The following PLAT variants were observed in gnomAD, a reference collection of about 807,000 sequenced individuals.
The protein encoded by PLAT is plasminogen activator, tissue type.
PLAT carries 48 observed loss-of-function variants against 74.9 expected under a neutral mutation model. The ratio of observed to expected loss-of-function variants is 0.64; its 90% CI spans 0.51 to 0.82. The LOEUF is 0.82. PLAT is among the 40% of genes least tolerant of loss of function. The pLI, the probability that PLAT is intolerant of heterozygous loss-of-function variation, is 0.00. For synonymous variants in PLAT, 307 were observed against 294.4 expected (o/e 1.04, Z -0.44); for missense variants, 673 against 736.2 (o/e 0.91, Z 0.99).
At position 42,179,954 on chromosome 8, in the gene PLAT, C is replaced by A; in HGVS notation, c.1335G>T (p.Glu445Asp). 1 of 1,607,138 alleles carries A rather than the reference C, an allele frequency of 6.2e-7. No homozygotes were observed. The highest frequency in any genetic ancestry group is 8.5e-7 in the Non-Finnish European group (1 of 1,176,304). The change falls in exon 12 of 14, where the codon GAG becomes GAT. Residue 445 changes from glutamate (E) to aspartate (D), a missense_variant. By Grantham distance (45) the Glu-to-Asp change is conservative. Transcript: ENST00000220809. ...CCTCATGCTTGCCGTAGCCGGAGAG[C>A]TCACACTCCGTCCAGTCCGGCAGCT... ...DLQLPDWTEC[E>D]LSGYGKHEAL... is the part of the protein sequence containing the mutation.
chr8:42,207,192 C>T lies in PLAT; in HGVS notation c.-27+302G>A, dbSNP rs72641455. Among the ~76,000 whole-genome samples, 447 of 152,262 alleles carry T rather than the reference C, an allele frequency of 2.9e-3. 1 individual carries two copies. Among genetic ancestry groups the T allele is most frequent in the Non-Finnish European group, 4.9e-3 (333 of 68,004 alleles). On this transcript the variant is annotated intron_variant, in intron 1 of 13. Transcript: ENST00000220809. ...CTCCCATAGGCTATTTGGGGCTTTT[C>T]TGTATCGTTCTTTTCACTTTCCCCT...
chr8:42,178,434 C>A (rs1314018506), intron 13 of PLAT, among the ~76,000 whole-genome samples: 1 of 152,108 alleles, frequency 6.6e-6, no homozygotes, highest in African/African-American at 2.4e-5. Flanking sequence ...CCATGCCAGG[C>A]TAATTTTGTA....
chr8:42,190,862 TC>T (rs1805654975), intron 3 of PLAT, among the ~76,000 whole-genome samples: 1 of 152,132 alleles, frequency 6.6e-6, no homozygotes, highest in African/African-American at 2.4e-5. Flanking sequence ...AGTTGGGACA[TC>T]CCGGTTGGAT....
chr8:42,182,005 G>A lies in PLAT; in HGVS notation c.821C>T (p.Ala274Val), dbSNP rs767004173. Residue 274 changes from alanine (A) to valine (V), a missense_variant, in exon 9 of 14, where the codon GCC becomes GTC. By Grantham distance (64) the Ala-to-Val change is moderately conservative. Transcript: ENST00000220809. ...CTTCAGCACGTGGCACCAGGGCTTGGCATCCCCATCAGGATTCCTAAATGA... is the reference window on the plus strand; with the variant it reads ...CTTCAGCACGTGGCACCAGGGCTTGACATCCCCATCAGGATTCCTAAATGA... ...HNYCRNPDGDAKPWCHVLKNR... is the reference protein window; with the variant it reads ...HNYCRNPDGDVKPWCHVLKNR... The A allele has an allele frequency of 1.2e-6, 2 of 1,606,276 alleles. No homozygotes were observed. The highest frequency in any genetic ancestry group is 2.2e-5 in the South Asian group (2 of 90,948).
intron 1 of PLAT, chr8:42,193,692 G>A (rs1174417364): frequency 1.3e-5 from 2 of 154,880 alleles, no homozygotes; most frequent in African/African-American, 4.8e-5. Context: ...TGTCTTCAAG[G>A]TGCATCCATG....
chr8:42,189,806 A>G (rs1805617313), intron 3 of PLAT, among the ~76,000 whole-genome samples: 1 of 151,372 alleles, frequency 6.6e-6, no homozygotes, highest in African/African-American at 2.4e-5. Context: ...ACCATATTGG[A>G]CAGGCTGGTC....
At position 42,190,190 on chromosome 8, in the gene PLAT, T is replaced by G. The variant is rs935510684; in HGVS notation, c.116-1119A>C. On this transcript the variant is annotated intron_variant, in intron 3 of 13. Coordinates refer to ENST00000220809, the MANE Select transcript of PLAT (RefSeq NM_000930.5). ...CTAAAGCCATCCTCCTGGATCCGCC[T>G]CCTAAAGTGCTGGAGTTACAGATGT... Among the ~76,000 whole-genome samples the G allele has an allele frequency of 3.9e-5, 6 of 152,184 alleles. No homozygotes were observed. The East Asian group carries it at 1.2e-3, about 29-fold the overall frequency.
Position 42,180,396 on chromosome 8 carries a change from T to C in PLAT, c.1086-18A>G. 6.2e-7 allele frequency: 1 copy of C among 1,614,072 alleles called. No homozygotes were observed. Among genetic ancestry groups the C allele is most frequent in the East Asian group, 2.2e-5 (1 of 44,882 alleles). ...GCGGAAACCTGGTGGAGAAACAGCC[T>C]TAGAATGCTTTTTTTGCTGTGGGAT... is the stretch of plus-strand genomic sequence containing the variant. On this transcript the variant is annotated intron_variant, in intron 10 of 13. Coordinates refer to ENST00000220809, the MANE Select transcript of PLAT (RefSeq NM_000930.5).
rs1289672816 is a variant in PLAT, at chr8:42,175,311, A to G, written c.*682T>C. 1 of 152,266 alleles carries G rather than the reference A, an allele frequency of 6.6e-6. No individual in the cohort carries two copies. The highest frequency in any genetic ancestry group is 1.5e-5 in the Non-Finnish European group (1 of 68,056). The allele number at this position is 152,266 out of a possible 1,614,324, so 9.4% of individuals were successfully genotyped here. On this transcript the variant is annotated 3_prime_UTR_variant, in exon 14 of 14. Transcript: ENST00000220809. ...AGGGTTGTGGCAACAGAAAGTAAAA[A>G]CTAACATGGATTGCTATAAATATGC...
Position 42,180,256 on chromosome 8 carries a change from T to A in PLAT, c.1208A>T (p.Tyr403Phe), listed in dbSNP as rs777263586. The change falls in exon 11 of 14, where the codon TAC becomes TTC. Residue 403 changes from tyrosine to phenylalanine, a missense_variant. Physicochemically the swap from Tyr to Phe is conservative, Grantham distance 22. Coordinates refer to ENST00000220809, the MANE Select transcript of PLAT (RefSeq NM_000930.5). ...CGAGCTCTTACCAATGTCATTGTCG[T>A]AAGTGTCATCATCGAATTCCTTATG... Reference protein sequence around the residue: ...IVHKEFDDDTYDNDIALLQLK... With the variant: ...IVHKEFDDDTFDNDIALLQLK... 2.1e-5 allele frequency: 34 copies of A among 1,614,114 alleles called. No homozygotes were observed. Among genetic ancestry groups the A allele is most frequent in the Non-Finnish European group, 2.6e-5 (31 of 1,180,036 alleles).
At chr8:42,203,969 T>TTATATATATATATATATA (rs373313453) in intron 1 of PLAT, among the ~76,000 whole-genome samples, 49 of 104,942 alleles carry the variant, frequency 4.7e-4, no homozygotes, top group African/African-American at 2.2e-3. Context: ...TGTCTCTAAA[T>TTATATATATATATATATA]TATATATATA....
intron 2 of PLAT, among the ~76,000 whole-genome samples, chr8:42,192,331 A>G (rs1805720761): frequency 6.6e-6 from 1 of 152,100 alleles, no homozygotes; most frequent in Non-Finnish European, 1.5e-5. Flanking sequence ...AATACAGTCC[A>G]CTTTGTATAT....
intron 1 of PLAT, among the ~76,000 whole-genome samples, chr8:42,199,942 A>G (rs186670627): frequency 4.6e-5 from 7 of 152,336 alleles, no homozygotes; most frequent in African/African-American, 1.7e-4. Context: ...GTAATTAAAT[A>G]CGCAATGATT....
intron 1 of PLAT, among the ~76,000 whole-genome samples, chr8:42,204,681 C>T (rs369125606): frequency 1.4e-5 from 2 of 147,476 alleles, no homozygotes; most frequent in South Asian, 2.1e-4. Flanking sequence ...TGCCACTGCA[C>T]CCCAGCCTGG....
intron 1 of PLAT, among the ~76,000 whole-genome samples, chr8:42,199,602 T>C (rs1181890733): frequency 6.6e-6 from 1 of 152,108 alleles, no homozygotes; most frequent in African/African-American, 2.4e-5. Context: ...TGTCATCTCC[T>C]CAATGCTCCA....
chr8:42,201,739 A>C (rs916638851), intron 1 of PLAT, among the ~76,000 whole-genome samples: 15 of 152,230 alleles, frequency 9.9e-5, no homozygotes, highest in African/African-American at 3.4e-4. Context: ...CTCCCAGCAG[A>C]AGCCAGAACT....
chr8:42,193,586 T>C, intron 1 of PLAT: 1 of 208,884 alleles, frequency 4.8e-6, no homozygotes, highest in Non-Finnish European at 9.9e-6. Context: ...ACGCTGCTAC[T>C]TTCTGTCTGT....
At chr8:42,176,854 A>G (rs1434036578) in intron 13 of PLAT, among the ~76,000 whole-genome samples, 1 of 152,226 alleles carries the variant, frequency 6.6e-6, no homozygotes, top group Non-Finnish European at 1.5e-5. Context: ...TAAATGTTGT[A>G]TAGCTCACAT....
intron 7 of PLAT, among the ~76,000 whole-genome samples, chr8:42,184,488 T>G (rs1399220777): frequency 1.3e-5 from 2 of 152,020 alleles, no homozygotes; most frequent in African/African-American, 4.8e-5. Flanking sequence ...GCCTCCTGAG[T>G]AGCTGGGATT....
Sources: allele counts gnomAD v4.1 joint callset (sites outside exome capture counted in the v4.1 genomes callset), GRCh38; gene constraint gnomAD v4.1.1; transcripts MANE v1.5; gene names NCBI Gene and HGNC (gene_info 2026-07-23, HGNC 2026-07-21).